CLEC3B: variants seen among roughly 807,000 people sequenced by gnomAD.
CLEC3B encodes tetranectin.
A neutral mutation model predicts 15.4 loss-of-function variants in CLEC3B; 13 were observed. That is an observed-to-expected ratio of 0.84 (90% CI 0.55 to 1.34). The LOEUF (loss-of-function observed/expected upper bound fraction) is 1.34. CLEC3B is among the 40% of genes most tolerant of loss of function. CLEC3B has a pLI of 0.00. For synonymous variants in CLEC3B, 112 were observed against 114.7 expected, an observed-to-expected ratio of 0.98 and a Z score of 0.15; for missense variants, 242 against 268.6, an observed-to-expected ratio of 0.90 and a Z score of 0.69.
chr3:45,035,819 C>T lies in CLEC3B; in HGVS notation c.504C>T (p.Gly168=). The change falls in exon 3 of 3, where the codon GGC becomes GGT. Residue 168 remains glycine, a synonymous_variant. Coordinates refer to ENST00000296130, the MANE Select transcript of CLEC3B (RefSeq NM_003278.3). ...AGATCACCGCGCAACCCGATGGCGG[C>T]AAGACCGAGAACTGCGCGGTCCTGT... The part of the protein sequence containing the change: ...ETEITAQPDG[G]KTENCAVLSG... The T allele has an allele frequency of 1.2e-6, 2 of 1,613,368 alleles. No homozygotes were observed. Among genetic ancestry groups the T allele is most frequent in the Non-Finnish European group, 1.7e-6 (2 of 1,179,976 alleles).
intron 1 of CLEC3B, among the ~76,000 whole-genome samples, chr3:45,027,803 G>T (rs1290562667): frequency 6.6e-6 from 1 of 152,220 alleles, no homozygotes; most frequent in Non-Finnish European, 1.5e-5. Context: ...GCCACCAAGG[G>T]AGAGCCTTTG....
intron 1 of CLEC3B, among the ~76,000 whole-genome samples, chr3:45,026,975 C>A (rs1697493057): frequency 6.6e-6 from 1 of 152,252 alleles, no homozygotes; most frequent in Admixed American, 6.5e-5. Context: ...ATTCTCATTT[C>A]TGTAGCATAT....
intron 1 of CLEC3B, chr3:45,030,380 C>A: frequency 4.2e-6 from 1 of 239,516 alleles, no homozygotes. Flanking sequence ...GTGGCACCTC[C>A]AAGCCCTGCA....
At chr3:45,028,872 G>A (rs1697517698) in intron 1 of CLEC3B, among the ~76,000 whole-genome samples, 1 of 152,336 alleles carries the variant, frequency 6.6e-6, no homozygotes, top group Non-Finnish European at 1.5e-5. Flanking sequence ...CTAAGTCCTT[G>A]TCCTGGCCCT....
At position 45,035,817 on chromosome 3, in the gene CLEC3B, G is replaced by T; in HGVS notation, c.502G>T (p.Gly168Cys). Residue 168 changes from glycine to cysteine, a missense_variant, in exon 3 of 3, where the codon GGC becomes TGC. Coordinates refer to ENST00000296130, the MANE Select transcript of CLEC3B (RefSeq NM_003278.3). Reference protein sequence around the residue: ...ETEITAQPDGGKTENCAVLSG... With the variant: ...ETEITAQPDGCKTENCAVLSG... ...TGAGATCACCGCGCAACCCGATGGC[G>T]GCAAGACCGAGAACTGCGCGGTCCT... 1 of 1,613,388 alleles carries T rather than the reference G, an allele frequency of 6.2e-7. No individual in the cohort carries two copies. Among genetic ancestry groups the T allele is most frequent in the Non-Finnish European group, 8.5e-7 (1 of 1,179,964 alleles).
Position 45,028,310 on chromosome 3 carries a change from C to G in CLEC3B, c.109+1839C>G, listed in dbSNP as rs150369962. 2.0e-4 allele frequency among the ~76,000 whole-genome samples: 30 copies of G among 152,332 alleles called. No homozygotes were observed. The East Asian group carries it at 5.8e-3, about 29-fold the overall frequency. ...GTGGCTCAAGCCTGTAATCTCAGCACTTTAGGAGGCCAAGGTGGGAGGATC... is the reference window on the plus strand; with the variant it reads ...GTGGCTCAAGCCTGTAATCTCAGCAGTTTAGGAGGCCAAGGTGGGAGGATC... On this transcript the variant is annotated intron_variant, in intron 1 of 2. Coordinates refer to ENST00000296130, the MANE Select transcript of CLEC3B (RefSeq NM_003278.3).
In CLEC3B at chr3:45,036,021, C is replaced by A. The variant is rs1697640866; in HGVS notation, c.*97C>A. The A allele has an allele frequency of 5.3e-6, 7 of 1,313,216 alleles. No homozygotes were observed. Among genetic ancestry groups the A allele is most frequent in the Non-Finnish European group, 7.1e-6 (7 of 986,024 alleles). 81.3% of individuals were successfully genotyped at this position (1,313,216 alleles called of 1,614,324 possible). ...CCTTGCAGCCCCCATCCTCTCCGTG[C>A]GCTTGGAGCCTCTTTTTGCAAATAA... On this transcript the variant is annotated 3_prime_UTR_variant, in exon 3 of 3. Coordinates refer to ENST00000296130, the MANE Select transcript of CLEC3B (RefSeq NM_003278.3).
At position 45,035,839 on chromosome 3, in the gene CLEC3B, T is replaced by C. The variant is rs764118031; in HGVS notation, c.524T>C (p.Val175Ala). 3.7e-6 allele frequency: 6 copies of C among 1,612,832 alleles called. No individual in the cohort carries two copies. Among genetic ancestry groups the C allele is most frequent in the Non-Finnish European group, 4.2e-6 (5 of 1,179,864 alleles). ...PDGGKTENCA[V>A]LSGAANGKWF... ...GGCGGCAAGACCGAGAACTGCGCGG[T>C]CCTGTCAGGCGCGGCCAACGGCAAG... Residue 175 changes from valine to alanine, a missense_variant, in exon 3 of 3, where the codon GTC becomes GCC. Physicochemically the swap from Val to Ala is moderately conservative, Grantham distance 64 (BLOSUM62 0). Transcript: ENST00000296130.
At chr3:45,028,554 C>T (rs188962937) in intron 1 of CLEC3B, among the ~76,000 whole-genome samples, 57 of 152,186 alleles carry the variant, frequency 3.7e-4, no homozygotes, top group Admixed American at 1.3e-3. Context: ...AGTGAGACTC[C>T]GTCTCAAAAA....
rs754482621 is a variant in CLEC3B, at chr3:45,035,881, G to T, written c.566G>T (p.Cys189Phe). The change falls in exon 3 of 3, where the codon TGC becomes TTC. Residue 189 changes from cysteine to phenylalanine, a missense_variant. Coordinates refer to ENST00000296130, the MANE Select transcript of CLEC3B (RefSeq NM_003278.3). ...AACGGCAAGTGGTTCGACAAGCGCTGCCGCGATCAGCTGCCCTACATCTGC... is the reference window on the plus strand; with the variant it reads ...AACGGCAAGTGGTTCGACAAGCGCTTCCGCGATCAGCTGCCCTACATCTGC... ...AANGKWFDKR[C>F]RDQLPYICQF... The T allele has an allele frequency of 1.9e-6, 3 of 1,609,926 alleles. No homozygotes were observed. In the African/African-American group the frequency reaches 4.0e-5, roughly 21 times the overall value.
chr3:45,033,789 A>T (rs1009144309), intron 2 of CLEC3B, among the ~76,000 whole-genome samples: 1 of 152,156 alleles, frequency 6.6e-6, no homozygotes, highest in Non-Finnish European at 1.5e-5. Flanking sequence ...AGGACTACCT[A>T]TGTGTTGGAG....
rs951691833 is a variant in CLEC3B at position 45,035,298 on chromosome 3, C to A, written c.209-226C>A. 4.6e-5 allele frequency among the ~76,000 whole-genome samples: 7 copies of A among 152,234 alleles called. No homozygotes were observed. The East Asian group carries it at 1.4e-3, about 30-fold the overall frequency. On this transcript the variant is annotated intron_variant, in intron 2 of 2. Transcript: ENST00000296130. ...CCTTTTCTCCCAGCCGCGGGAGCAC[C>A]AAGACCTCCTGAGTGGGGATCTGGA...
chr3:45,029,205 TGC>T (rs1697522349), intron 1 of CLEC3B, among the ~76,000 whole-genome samples: 1 of 152,252 alleles, frequency 6.6e-6, no homozygotes, highest in Admixed American at 6.5e-5. Flanking sequence ...GAGGAAACTT[TGC>T]ACATATGGGC....
intron 2 of CLEC3B, among the ~76,000 whole-genome samples, chr3:45,032,752 T>C (rs1176221689): frequency 6.6e-6 from 1 of 152,186 alleles, no homozygotes; most frequent in East Asian, 1.9e-4. Flanking sequence ...TGTTTTTGAC[T>C]TCATGTAATA....
intron 2 of CLEC3B, among the ~76,000 whole-genome samples, chr3:45,034,807 G>C (rs904120094): frequency 2.0e-5 from 3 of 152,160 alleles, no homozygotes; most frequent in African/African-American, 7.2e-5. Flanking sequence ...TGCAGTCTCA[G>C]CTCTATCCAC....
intron 1 of CLEC3B, among the ~76,000 whole-genome samples, chr3:45,029,852 C>T (rs1697530704): frequency 6.6e-6 from 1 of 152,190 alleles, no homozygotes; most frequent in African/African-American, 2.4e-5. Flanking sequence ...ATATGCTTCC[C>T]CGCCTTCCCC....
intron 1 of CLEC3B, chr3:45,030,317 T>G: frequency 1.3e-6 from 1 of 767,206 alleles, no homozygotes; most frequent in South Asian, 5.7e-5. Context: ...ACTTCATACA[T>G]GAGGGAACCA....
At chr3:45,031,030 C>A in intron 2 of CLEC3B, 105 bp downstream of exon 2, 1 of 766,592 alleles carries the variant, frequency 1.3e-6, no homozygotes, top group South Asian at 1.8e-5. Context: ...AGGGTCCTGG[C>A]TCCATTAGTC....
Position 45,035,986 on chromosome 3 carries a change from A to C in CLEC3B, c.*62A>C. On this transcript the variant is annotated 3_prime_UTR_variant, in exon 3 of 3. Coordinates refer to ENST00000296130, the MANE Select transcript of CLEC3B (RefSeq NM_003278.3). ...GCAGGGGCCGCGGGAGGCCGGGAGG[A>C]GGGTGGGGACCTTGCAGCCCCCATC... 8.5e-7 allele frequency: 1 copy of C among 1,181,758 alleles called. No individual in the cohort carries two copies. Among genetic ancestry groups the C allele is most frequent in the Non-Finnish European group, 1.2e-6 (1 of 848,588 alleles). 73.2% of individuals were successfully genotyped at this position (1,181,758 alleles called of 1,614,324 possible).
Sources: gnomAD v4.1 joint callset for allele counts (sites outside exome capture counted in the v4.1 genomes callset) on GRCh38, gnomAD v4.1.1 for gene constraint, MANE v1.5 for transcripts, NCBI Gene and HGNC (gene_info 2026-07-23, HGNC 2026-07-21) for gene names.